Variants in ERC1 observed in about 807,000 individuals in gnomAD.
ERC1 encodes the protein ELKS/RAB6-interacting/CAST family member 1, also known as RAB6 interacting protein 2.
A neutral mutation model predicts 132.0 loss-of-function variants in ERC1; 56 were observed. The observed-to-expected ratio is 0.42, with a 90% CI of 0.34 to 0.53. The LOEUF is 0.53. Among genes scored for constraint, ERC1 ranks in the 20% least tolerant of loss-of-function variants. The pLI is 0.03. For synonymous variants in ERC1, 478 were observed against 476.1 expected (o/e 1.00, Z -0.05); for missense variants, 1,202 against 1,349.9 (o/e 0.89, Z 1.72).
chr12:1,263,102 A>G lies in ERC1; in HGVS notation c.2556A>G (p.Ile852Met). 5 of 1,614,104 alleles carry G rather than the reference A, an allele frequency of 3.1e-6. No individual in the cohort carries two copies. The highest frequency in any genetic ancestry group is 4.2e-6 in the Non-Finnish European group (5 of 1,179,940). ...AAGCACTAAGAGAAAGTGTACAGAT[A>G]ACTGCAGAGCGGGAAATGGTGCTAG... ...LEEALRESVQ[I>M]TAEREMVLAQ... Residue 852 changes from isoleucine to methionine, a missense_variant, in exon 14 of 19, where the codon ATA (isoleucine) becomes ATG (methionine). Transcript: ENST00000360905.
chr12:1,492,124 G>A lies in ERC1; in HGVS notation c.*1894G>A. The stretch of plus-strand genomic sequence containing the variant: ...GCTGTGAAACAATCCCTCTCCCTGT[G>A]AGAGGAAACTGTGGAGCGTTTCTTA... On this transcript the variant is annotated 3_prime_UTR_variant, in exon 19 of 19. Coordinates refer to ENST00000360905, the MANE Select transcript of ERC1 (RefSeq NM_178040.4). 4.3e-6 allele frequency: 1 copy of A among 232,998 alleles called. No homozygotes were observed. The allele number at this position is 232,998 out of a possible 1,614,324, so 14.4% of individuals were successfully genotyped here.
intron 16 of ERC1, among the ~76,000 whole-genome samples, chr12:1,400,916 A>ATTATTT (rs2090981093): frequency 2.0e-4 from 3 of 15,058 alleles, no homozygotes; most frequent in South Asian, 3.7e-3. Context: ...CTATTTTTGT[A>ATTATTT]TTTTTTTTTT....
rs563318090 is a variant in ERC1 at position 1,255,234 on chromosome 12, G to T, written c.2488-7800G>T. 7.9e-5 allele frequency among the ~76,000 whole-genome samples: 12 copies of T among 152,094 alleles called. No individual in the cohort carries two copies. The East Asian group carries it at 1.7e-3, about 22-fold the overall frequency. ...TCTTGTGTTAGTTTGCTGAGAATTA[G>T]GGTTTCCAGCTTCATCCATGTCCCT... On this transcript the variant is annotated intron_variant, in intron 13 of 18. Coordinates refer to ENST00000360905, the MANE Select transcript of ERC1 (RefSeq NM_178040.4).
chr12:1,019,415 G>A (rs760174618), intron 1 of ERC1, among the ~76,000 whole-genome samples: 4 of 152,240 alleles, frequency 2.6e-5, no homozygotes, highest in Non-Finnish European at 5.9e-5. Flanking sequence ...ATGAGCCACC[G>A]TGCCCAGCCA....
At chr12:1,062,696 G>C (rs1457425572) in intron 2 of ERC1, among the ~76,000 whole-genome samples, 1 of 152,190 alleles carries the variant, frequency 6.6e-6, no homozygotes, top group Non-Finnish European at 1.5e-5. Flanking sequence ...CTGTTGCATG[G>C]AATGTTCTAT....
In ERC1 at chr12:1,112,318, C is replaced by T. The variant is rs181098481; in HGVS notation, c.1401+20C>T. Reference sequence around the variant, plus strand: ...GCTGAGGTCTTTGCCGTAAGATTTACCTCTTTGTGTGCAGTGGTCCCACAG... The same window carrying T: ...GCTGAGGTCTTTGCCGTAAGATTTATCTCTTTGTGTGCAGTGGTCCCACAG... On this transcript the variant is annotated intron_variant, in intron 6 of 18. Transcript: ENST00000360905. 3.8e-6 allele frequency: 6 copies of T among 1,587,014 alleles called. No individual in the cohort carries two copies. The highest frequency in any genetic ancestry group is 1.7e-4 in the Middle Eastern group (1 of 6,006).
At chr12:1,135,044 T>C (rs1949121324) in intron 7 of ERC1, among the ~76,000 whole-genome samples, 2 of 152,126 alleles carry the variant, frequency 1.3e-5, no homozygotes, top group South Asian at 2.1e-4. Context: ...CAGTAATCTT[T>C]AAGAGTGCTG....
In ERC1 at chr12:1,233,470, CAAAAAA is replaced by C. The variant is rs60542316; in HGVS notation, c.2352-3281_2352-3276del. On this transcript the variant is annotated intron_variant, in intron 12 of 18. Transcript: ENST00000360905. ...TGGGCAACAGAGTGAGACCCTGTCT[CAAAAAA>C]AAAAAAAAAAAAAAAAAGAGTAAGA... 1.0e-3 allele frequency among the ~76,000 whole-genome samples: 74 copies of C among 71,498 alleles called. 1 individual carries two copies. The highest frequency in any genetic ancestry group is 1.6e-3 in the Non-Finnish European group (60 of 37,428). The allele number at this position is 71,498 out of a possible 152,430, so 46.9% of individuals were successfully genotyped here.
intron 18 of ERC1, among the ~76,000 whole-genome samples, chr12:1,448,270 G>T (rs1004357334): frequency 2.6e-5 from 4 of 152,212 alleles, no homozygotes; most frequent in Non-Finnish European, 5.9e-5. Flanking sequence ...TGAGGTGTGT[G>T]AAATTGTATT....
At chr12:1,352,367 A>G (rs548807912) in intron 15 of ERC1, among the ~76,000 whole-genome samples, 5 of 152,276 alleles carry the variant, frequency 3.3e-5, no homozygotes, top group African/African-American at 1.2e-4. Context: ...GAGTAAAAAG[A>G]CACTGGGAAA....
At position 1,304,779 on chromosome 12, in the gene ERC1, C is replaced by CTTTTTTTTTTTTTTT. The variant is rs1186965322; in HGVS notation, c.2780+14781_2780+14795dup. 1.6e-4 allele frequency among the ~76,000 whole-genome samples: 11 copies of CTTTTTTTTTTTTTTT among 70,082 alleles called. 3 individuals carry two copies. The highest frequency in any genetic ancestry group is 2.3e-4 in the Non-Finnish European group (8 of 35,474). The allele number at this position is 70,082 out of a possible 152,430, so 46.0% of individuals were successfully genotyped here. On this transcript the variant is annotated intron_variant, in intron 15 of 18. Coordinates refer to ENST00000360905, the MANE Select transcript of ERC1 (RefSeq NM_178040.4). The stretch of plus-strand genomic sequence containing the variant: ...GTGAAGTCTTCTGTTTGTTGTAACT[C>CTTTTTTTTTTTTTTT]TTTTTTTTTTTTTTTTTTTTTTTTT...
rs564113930 is a variant in ERC1, at chr12:1,393,385, A to AT, written c.2926-14762dup. On this transcript the variant is annotated intron_variant, in intron 16 of 18. Transcript: ENST00000360905. ...TCTCTACACAACAAAAATTTTAAAA[A>AT]TTAGCTGGGCGTGGTGGTGCACATC... Among the ~76,000 whole-genome samples, 210 of 152,182 alleles carry AT rather than the reference A, an allele frequency of 1.4e-3. 1 individual carries two copies. The highest frequency in any genetic ancestry group is 5.0e-3 in the Admixed American group (76 of 15,286).
Position 1,439,339 on chromosome 12 carries a change from C to G in ERC1, c.3025-5223C>G, listed in dbSNP as rs1295156783. On this transcript the variant is annotated intron_variant, in intron 17 of 18. Coordinates refer to ENST00000360905, the MANE Select transcript of ERC1 (RefSeq NM_178040.4). ...TCCTAAAGACCATCAGTTATCCAAC[C>G]TCACTGAAGTGGAAACTAGGTTAAA... Among the ~76,000 whole-genome samples, 3 of 152,192 alleles carry G rather than the reference C, an allele frequency of 2.0e-5. No homozygotes were observed. The East Asian group carries it at 5.8e-4, about 29-fold the overall frequency.
At chr12:1,270,302 G>C (rs892987723) in intron 14 of ERC1, among the ~76,000 whole-genome samples, 3 of 152,032 alleles carry the variant, frequency 2.0e-5, no homozygotes, top group African/African-American at 7.2e-5. Context: ...CCACCTCCCG[G>C]GTTCAAGCGA....
intron 18 of ERC1, among the ~76,000 whole-genome samples, chr12:1,475,687 A>G (rs1200472868): frequency 1.3e-5 from 2 of 152,226 alleles, no homozygotes; most frequent in African/African-American, 2.4e-5. Context: ...TAGGAAGGAA[A>G]TCATTTAAGA....
chr12:1,361,843 G>A lies in ERC1; in HGVS notation c.2781-9990G>A, dbSNP rs147745987. Among the ~76,000 whole-genome samples the A allele has an allele frequency of 9.1e-3, 1,379 of 152,264 alleles. 16 individuals carry two copies. The highest frequency in any genetic ancestry group is 0.031 in the African/African-American group (1,277 of 41,550). ...CAGCTTGACTTTCTGTATGAAGTAT[G>A]GGGGAAAGAGTGGAAAGAATGTCAG... is the stretch of plus-strand genomic sequence containing the variant. On this transcript the variant is annotated intron_variant, in intron 15 of 18. Transcript: ENST00000360905.
chr12:1,378,233 C>T (rs995193367), intron 16 of ERC1, among the ~76,000 whole-genome samples: 2 of 152,168 alleles, frequency 1.3e-5, no homozygotes, highest in Non-Finnish European at 2.9e-5. Flanking sequence ...TTTTCAAATT[C>T]TTAGCCCAGG....
chr12:1,039,331 T>G, intron 2 of ERC1, among the ~76,000 whole-genome samples: 1 of 134,144 alleles, frequency 7.5e-6, no homozygotes, highest in African/African-American at 2.9e-5. Context: ...GAGCGAGACG[T>G]TGTCTCAAAA....
intron 15 of ERC1, among the ~76,000 whole-genome samples, chr12:1,327,174 A>G (rs971057335): frequency 5.3e-5 from 8 of 151,648 alleles, no homozygotes; most frequent in Admixed American, 2.6e-4. Context: ...ATTCAAATGT[A>G]TAACCTCTTT....
Sources: gnomAD v4.1 joint callset for allele counts (sites outside exome capture counted in the v4.1 genomes callset) on GRCh38, gnomAD v4.1.1 for gene constraint, MANE v1.5 for transcripts, NCBI Gene and HGNC (gene_info 2026-07-23, HGNC 2026-07-21) for gene names.